The following CEP170 variants were observed in gnomAD, a reference collection of about 807,000 sequenced individuals.
CEP170 encodes centrosomal protein of 170 kDa.
Under a neutral mutation model 151.9 loss-of-function variants are expected in CEP170, and 21 were observed. That is an observed-to-expected ratio of 0.14 (90% CI 0.10 to 0.20). The LOEUF (loss-of-function observed/expected upper bound fraction) is 0.20. Ranked by LOEUF, CEP170 falls within the 10% of genes least tolerant of loss-of-function variation. The pLI is 1.00. For missense variants in CEP170, 964 were observed against 1,892.9 expected (o/e 0.51, Z 9.11); for synonymous variants, 356 against 648.8 (o/e 0.55, Z 6.86).
chr1:243,135,002 A>T (rs1490371420), intron 17 of CEP170, among the ~76,000 whole-genome samples: 1 of 152,206 alleles, frequency 6.6e-6, no homozygotes, highest in Admixed American at 6.5e-5. Context: ...ACTATTAGAT[A>T]TAATAAATAT....
intron 1 of CEP170, among the ~76,000 whole-genome samples, chr1:243,237,714 C>A (rs2064380155): frequency 6.6e-6 from 1 of 152,012 alleles, no homozygotes; most frequent in South Asian, 2.1e-4. Flanking sequence ...ACCAACCTGG[C>A]CAATATGGTG....
chr1:243,254,507 G>C (rs958235024), intron 1 of CEP170: 2 of 145,864 alleles, frequency 1.4e-5, no homozygotes, highest in East Asian at 4.0e-4. Context: ...CGTCCAAAAG[G>C]TTGCTCGCCT....
rs755937398 is a variant in CEP170, at chr1:243,126,450, C to T, written c.4754G>A (p.Ter1585=). The T allele has an allele frequency of 6.1e-5, 97 of 1,603,268 alleles. No individual in the cohort carries two copies. The South Asian group carries it at 1.1e-3, about 17-fold the overall frequency. The change falls in exon 20 of 20, where the codon TGA becomes TAA. Residue 1585 remains the stop codon, a stop_retained_variant. Transcript: ENST00000366542. ...GATTTTTCAACAATCAAGAGAAAGT[C>T]ATTCTTGTACTGTAACATCTTCCTC... ...GEEEDVTVQE[*]
intron 1 of CEP170, among the ~76,000 whole-genome samples, chr1:243,250,146 T>A (rs2065809293): frequency 6.6e-6 from 1 of 152,210 alleles, no homozygotes. Flanking sequence ...ATGGTTTTCA[T>A]TATTTTTGTG....
intron 10 of CEP170, among the ~76,000 whole-genome samples, chr1:243,173,634 G>A (rs2059016998): frequency 6.6e-6 from 1 of 151,246 alleles, no homozygotes; most frequent in African/African-American, 2.4e-5. Context: ...TACTTGGGAG[G>A]CTGAGGCAAG....
At chr1:243,199,873 C>CT (rs1413845467) in intron 6 of CEP170, among the ~76,000 whole-genome samples, 1 of 151,884 alleles carries the variant, frequency 6.6e-6, no homozygotes. Context: ...AAAAATTTTT[C>CT]TTTTAATTCG....
chr1:243,195,756 T>A (rs750514976), intron 7 of CEP170, among the ~76,000 whole-genome samples: 22 of 152,130 alleles, frequency 1.4e-4, no homozygotes, highest in Non-Finnish European at 3.1e-4. Flanking sequence ...ACATTTCAAA[T>A]CTGATTCTAC....
At chr1:243,178,243 CG>C (rs1439746486) in intron 10 of CEP170, among the ~76,000 whole-genome samples, 4 of 139,422 alleles carry the variant, frequency 2.9e-5, no homozygotes, top group Admixed American at 1.6e-4. Context: ...ACAGGAGAAT[CG>C]CATAACGTGA....
At chr1:243,161,083 G>A (rs908285549) in intron 13 of CEP170, among the ~76,000 whole-genome samples, 1 of 148,894 alleles carries the variant, frequency 6.7e-6, no homozygotes, top group African/African-American at 2.5e-5. Context: ...AGCACTCTGG[G>A]AGGCTGACAC....
intron 7 of CEP170, among the ~76,000 whole-genome samples, chr1:243,197,402 G>T (rs1416006870): frequency 6.6e-6 from 1 of 152,004 alleles, no homozygotes; most frequent in East Asian, 1.9e-4. Context: ...CAGCTTCAAG[G>T]TGAGCAAGAC....
At chr1:243,214,003 C>G (rs926989870) in intron 3 of CEP170, among the ~76,000 whole-genome samples, 1 of 152,120 alleles carries the variant, frequency 6.6e-6, no homozygotes, top group Non-Finnish European at 1.5e-5. Context: ...AAGCCACCAT[C>G]GCCAGCCTCA....
chr1:243,249,549 G>C (rs1012315922), intron 1 of CEP170, among the ~76,000 whole-genome samples: 1 of 152,048 alleles, frequency 6.6e-6, no homozygotes, highest in Non-Finnish European at 1.5e-5. Context: ...AGGGTGAAAA[G>C]GTTTTTCATA....
At chr1:243,211,135 T>A (rs1199250426) in intron 4 of CEP170, 1 of 151,388 alleles carries the variant, frequency 6.6e-6, no homozygotes, top group African/African-American at 2.4e-5. Flanking sequence ...ACCTTCAGCA[T>A]TATGTGGAAT....
intron 1 of CEP170, among the ~76,000 whole-genome samples, chr1:243,235,275 C>T (rs949240233): frequency 6.6e-6 from 1 of 151,982 alleles, no homozygotes; most frequent in East Asian, 1.9e-4. Context: ...GGGTGGTCTA[C>T]GGAAATATCT....
chr1:243,225,049 G>T, intron 2 of CEP170, 127 bp downstream of exon 2: 1 of 476,164 alleles, frequency 2.1e-6, no homozygotes, highest in South Asian at 6.2e-5. Flanking sequence ...TAATTAGAAT[G>T]ATAGCTGGAG....
intron 8 of CEP170, among the ~76,000 whole-genome samples, chr1:243,186,983 T>C (rs1322168227): frequency 6.6e-6 from 1 of 152,218 alleles, no homozygotes; most frequent in Non-Finnish European, 1.5e-5. Context: ...GTAGTCCCCA[T>C]TAATTATTGC....
chr1:243,168,903 T>C (rs2058631444), intron 12 of CEP170, among the ~76,000 whole-genome samples: 1 of 151,748 alleles, frequency 6.6e-6, no homozygotes, highest in South Asian at 2.1e-4. Context: ...TCACTAAATG[T>C]ACCACATGAA....
intron 1 of CEP170, among the ~76,000 whole-genome samples, chr1:243,251,331 G>A (rs918099390): frequency 1.3e-5 from 2 of 152,142 alleles, no homozygotes; most frequent in African/African-American, 4.8e-5. Flanking sequence ...CCAGAGTAAG[G>A]AAATAAGTGG....
At chr1:243,127,277 C>T (rs2053813245) in intron 19 of CEP170, among the ~76,000 whole-genome samples, 1 of 152,120 alleles carries the variant, frequency 6.6e-6, no homozygotes, top group Admixed American at 6.6e-5. Context: ...CCCTCAGAGC[C>T]TACAGACTAA....
Sources: gnomAD v4.1 joint callset for allele counts (sites outside exome capture counted in the v4.1 genomes callset) on GRCh38, gnomAD v4.1.1 for gene constraint, MANE v1.5 for transcripts, NCBI Gene and HGNC (gene_info 2026-07-23, HGNC 2026-07-21) for gene names.